The following SPIRE1 variants were observed in gnomAD, a reference collection of about 807,000 sequenced individuals.
The protein encoded by SPIRE1 is protein spire homolog 1.
In SPIRE1, 40 loss-of-function variants were observed where a neutral mutation model predicts 94.1. The ratio of observed to expected loss-of-function variants is 0.43; its 90% CI spans 0.33 to 0.55. SPIRE1 has a LOEUF of 0.55. SPIRE1 is among the 20% of genes least tolerant of loss of function. SPIRE1 has a pLI of 0.06. For synonymous variants in SPIRE1, 376 were observed against 371.7 expected, an observed-to-expected ratio of 1.01 and a Z score of -0.13; for missense variants, 838 against 975.2, an observed-to-expected ratio of 0.86 and a Z score of 1.87.
chr18:12,612,756 T>TGCAGGTGCATG (rs1298310276), intron 2 of SPIRE1, among the ~76,000 whole-genome samples: 2 of 152,236 alleles, frequency 1.3e-5, no homozygotes, highest in African/African-American at 4.8e-5. Context: ...TCTTCGCCAC[T>TGCAGGTGCATG]GCAGGTGCAT....
rs2030963860 is a variant in SPIRE1 at position 12,446,983 on chromosome 18, G to A, written c.*2655C>T. 2 of 152,130 alleles carry A rather than the reference G, an allele frequency of 1.3e-5. No individual in the cohort carries two copies. The highest frequency in any genetic ancestry group is 4.1e-4 in the South Asian group (2 of 4,838). 9.4% of individuals were successfully genotyped at this position (152,130 alleles called of 1,614,324 possible). On this transcript the variant is annotated 3_prime_UTR_variant, in exon 17 of 17. Coordinates refer to ENST00000409402, the MANE Select transcript of SPIRE1 (RefSeq NM_001128626.2). Reference sequence around the variant, plus strand: ...ATTCATTTTCACTTGCCTTGGGAGAGTTAATTCCCACTGTCCACTGAATGA... The same window carrying A: ...ATTCATTTTCACTTGCCTTGGGAGAATTAATTCCCACTGTCCACTGAATGA...
At chr18:12,518,392 C>G (rs2034260579) in intron 4 of SPIRE1, among the ~76,000 whole-genome samples, 1 of 151,778 alleles carries the variant, frequency 6.6e-6, no homozygotes, top group East Asian at 1.9e-4. Context: ...CTTTGGGAGG[C>G]TGAAGCAGAA....
At chr18:12,519,776 T>C (rs1297965260) in intron 4 of SPIRE1, among the ~76,000 whole-genome samples, 1 of 152,218 alleles carries the variant, frequency 6.6e-6, no homozygotes, top group Non-Finnish European at 1.5e-5. Context: ...TTTTCACTTA[T>C]CACTGTGAAA....
At chr18:12,628,615 A>G (rs1438527617) in intron 2 of SPIRE1, among the ~76,000 whole-genome samples, 1 of 152,186 alleles carries the variant, frequency 6.6e-6, no homozygotes, top group Non-Finnish European at 1.5e-5. Context: ...TGGGGATGGC[A>G]TTGAATCTAT....
chr18:12,512,350 G>A (rs1313907241), intron 5 of SPIRE1, 104 bp downstream of exon 5: 1 of 761,574 alleles, frequency 1.3e-6, no homozygotes, highest in East Asian at 2.7e-5. Flanking sequence ...TCGCACCATT[G>A]CACTGCAGCC....
intron 2 of SPIRE1, among the ~76,000 whole-genome samples, chr18:12,556,228 T>C (rs952734619): frequency 6.6e-6 from 1 of 152,062 alleles, no homozygotes; most frequent in Non-Finnish European, 1.5e-5. Flanking sequence ...AATGTCCATA[T>C]TACCCAAAGC....
chr18:12,598,385 CT>C (rs980412804), intron 2 of SPIRE1, among the ~76,000 whole-genome samples: 1 of 152,028 alleles, frequency 6.6e-6, no homozygotes, highest in African/African-American at 2.4e-5. Flanking sequence ...GAAAACTATA[CT>C]TCTATAACAA....
rs757153948 is a variant in SPIRE1, at chr18:12,479,839, C to T, written c.1264G>A (p.Val422Met). 4 of 1,613,952 alleles carry T rather than the reference C, an allele frequency of 2.5e-6. No homozygotes were observed. The highest frequency in any genetic ancestry group is 1.1e-5 in the South Asian group (1 of 91,034). Residue 422 changes from valine to methionine, a missense_variant, in exon 10 of 17, where the codon GTG becomes ATG. By Grantham distance (21) the Val-to-Met change is conservative. Coordinates refer to ENST00000409402, the MANE Select transcript of SPIRE1 (RefSeq NM_001128626.2). ...VTTPESTKNL[V>M]ESSMVNGGLT... is the part of the protein sequence containing the mutation. ...CCTCCATTCACCATAGATGACTCCA[C>T]AAGATTCTTTGTAGATTCAGGGGTA... is the stretch of plus-strand genomic sequence containing the variant.
intron 2 of SPIRE1, among the ~76,000 whole-genome samples, chr18:12,575,519 G>A (rs938038304): frequency 6.6e-6 from 1 of 152,024 alleles, no homozygotes; most frequent in African/African-American, 2.4e-5. Context: ...GCTAATTTTT[G>A]TATTTTTTTG....
intron 2 of SPIRE1, among the ~76,000 whole-genome samples, chr18:12,628,877 C>T (rs894047639): frequency 5.3e-5 from 8 of 152,006 alleles, no homozygotes; most frequent in South Asian, 2.1e-4. Flanking sequence ...AATGAGTAAG[C>T]TGTAAAATAT....
intron 1 of SPIRE1, among the ~76,000 whole-genome samples, chr18:12,649,103 C>T (rs940182145): frequency 2.6e-5 from 4 of 151,892 alleles, no homozygotes; most frequent in Non-Finnish European, 5.9e-5. Context: ...TTCTGTAAAT[C>T]TAAAATTATC....
At position 12,449,663 on chromosome 18, in the gene SPIRE1, G is replaced by A; in HGVS notation, c.2246C>T (p.Ser749Leu). ...SSPGPSEYCP[S>L]ERTISEI ...TCAGATCTCACTGATCGTCCTCTCT[G>A]AAGGGCAGTACTCCGAGGGGCCTGG... The change falls in exon 17 of 17, where the codon TCA becomes TTA. Residue 749 changes from serine to leucine, a missense_variant. Around this residue, in one of 2 missense-constraint regions of SPIRE1, gnomAD observed 645 missense variants for 804.7 expected, o/e 0.80. Coordinates refer to ENST00000409402, the MANE Select transcript of SPIRE1 (RefSeq NM_001128626.2). 6.2e-7 allele frequency: 1 copy of A among 1,614,170 alleles called. No homozygotes were observed. The highest frequency in any genetic ancestry group is 8.5e-7 in the Non-Finnish European group (1 of 1,180,020).
intron 4 of SPIRE1, among the ~76,000 whole-genome samples, chr18:12,528,388 T>C (rs890764193): frequency 6.6e-6 from 1 of 152,168 alleles, no homozygotes; most frequent in Non-Finnish European, 1.5e-5. Context: ...GAAGAAAGAA[T>C]GACTTCGATT....
intron 4 of SPIRE1, among the ~76,000 whole-genome samples, chr18:12,534,482 C>A (rs1217303744): frequency 6.6e-6 from 1 of 152,150 alleles, no homozygotes; most frequent in Non-Finnish European, 1.5e-5. Flanking sequence ...GAATGTGTTA[C>A]CAGAGGATAC....
intron 9 of SPIRE1, among the ~76,000 whole-genome samples, chr18:12,484,695 T>TA (rs2032970891): frequency 6.6e-6 from 1 of 152,202 alleles, no homozygotes; most frequent in Non-Finnish European, 1.5e-5. Context: ...CATTTTATAT[T>TA]TAAAACAGTA....
At chr18:12,457,187 A>T (rs970855997) in intron 12 of SPIRE1, among the ~76,000 whole-genome samples, 2 of 152,190 alleles carry the variant, frequency 1.3e-5, no homozygotes, top group Non-Finnish European at 2.9e-5. Flanking sequence ...GTTCTTTTTT[A>T]AAAATTTTCA....
At chr18:12,658,174 G>A (rs2038616307), upstream of SPIRE1, 3 of 830,942 alleles carry the variant, frequency 3.6e-6, no homozygotes, top group Admixed American at 3.9e-5. Flanking sequence ...CCCTTAGGGG[G>A]CCGCACGGGC....
At chr18:12,547,145 T>C (rs373697420) in intron 2 of SPIRE1, among the ~76,000 whole-genome samples, 1 of 152,246 alleles carries the variant, frequency 6.6e-6, no homozygotes, top group Non-Finnish European at 1.5e-5. Context: ...AGAACAGATA[T>C]AGTTATCAAA....
chr18:12,556,171 T>C (rs2035497744), intron 2 of SPIRE1, among the ~76,000 whole-genome samples: 1 of 151,834 alleles, frequency 6.6e-6, no homozygotes, highest in African/African-American at 2.4e-5. Context: ...ACACAAAAAA[T>C]GGAAAGATAG....
Sources: gnomAD v4.1 joint callset for allele counts (sites outside exome capture counted in the v4.1 genomes callset) on GRCh38, gnomAD v4.1.1 for gene constraint, gnomAD v4.1.1 regional missense constraint, MANE v1.5 for transcripts, NCBI Gene and HGNC (gene_info 2026-07-23, HGNC 2026-07-21) for gene names.